DGLUCY: variants seen among roughly 807,000 people sequenced by gnomAD.
DGLUCY encodes D-glutamate cyclase.
In DGLUCY, 58 loss-of-function variants were observed where a neutral mutation model predicts 58.5. The observed-to-expected ratio is 0.99, with a 90% CI of 0.80 to 1.23. The LOEUF is 1.23. Among genes scored for constraint, DGLUCY ranks in the 50% most tolerant of loss-of-function variants. The pLI is 0.00. For missense variants in DGLUCY, 779 were observed against 784.7 expected, an observed-to-expected ratio of 0.99 and a Z score of 0.09; for synonymous variants, 325 against 314.1, an observed-to-expected ratio of 1.03 and a Z score of -0.37.
Position 91,196,246 on chromosome 14 carries a change from A to T in DGLUCY, c.1196-129A>T, listed in dbSNP as rs74995843. On this transcript the variant is annotated intron_variant, in intron 9 of 13. Transcript: ENST00000256324. ...GTGTCATGGCCTCGGCTTACCTAAC[A>T]TGTTCTACAGATAGATGTTGTTCAA... is the stretch of plus-strand genomic sequence containing the variant. The T allele has an allele frequency of 1.3e-3, 911 of 697,894 alleles. 8 individuals are homozygous for T. In the African/African-American group the frequency reaches 0.013, roughly 10 times the overall value. 43.2% of individuals were successfully genotyped at this position (697,894 alleles called of 1,614,324 possible). A position where few individuals can be genotyped will look rare whatever the true frequency, so the allele number is the denominator to read the frequency against.
chr14:91,103,537 T>C (rs983227466), upstream of DGLUCY, among the ~76,000 whole-genome samples: 11 of 152,152 alleles, frequency 7.2e-5, no homozygotes, highest in Non-Finnish European at 1.2e-4. Context: ...TACTTCTGCA[T>C]AGGGCCTCTC....
At chr14:91,154,036 G>A in intron 1 of DGLUCY, among the ~76,000 whole-genome samples, 1 of 152,152 alleles carries the variant, frequency 6.6e-6, no homozygotes, top group East Asian at 1.9e-4. Flanking sequence ...CTCCCAAGTA[G>A]CTGGAATTAC....
At chr14:91,194,221 T>C (rs1186710792) in intron 9 of DGLUCY, among the ~76,000 whole-genome samples, 3 of 152,118 alleles carry the variant, frequency 2.0e-5, no homozygotes, top group Admixed American at 6.6e-5. Flanking sequence ...GTTACCCCAT[T>C]TTGTAGAGGA....
intron 10 of DGLUCY, among the ~76,000 whole-genome samples, chr14:91,196,911 T>C (rs1043840430): frequency 3.9e-5 from 6 of 152,176 alleles, no homozygotes; most frequent in African/African-American, 1.4e-4. Context: ...TACTCCCTCA[T>C]AAGACTGTGT....
chr14:91,077,361 G>A (rs1358971293), intron 1 of DGLUCY, among the ~76,000 whole-genome samples: 1 of 148,544 alleles, frequency 6.7e-6, no homozygotes, highest in Non-Finnish European at 1.5e-5. Flanking sequence ...GGAGAAGGAA[G>A]GGAGGGAGGA....
intron 8 of DGLUCY, among the ~76,000 whole-genome samples, chr14:91,187,061 G>T (rs1348917850): frequency 3.3e-5 from 5 of 151,838 alleles, no homozygotes; most frequent in Non-Finnish European, 7.4e-5. Context: ...GTGCAGTGGT[G>T]CGATCTCGGC....
intron 1 of DGLUCY, among the ~76,000 whole-genome samples, chr14:91,067,453 C>G (rs1039837629): frequency 6.6e-6 from 1 of 152,184 alleles, no homozygotes; most frequent in African/African-American, 2.4e-5. Flanking sequence ...CCACATCATA[C>G]TTTCCTTTAA....
rs761899157 is a variant in DGLUCY, at chr14:91,176,066, G to A, written c.730+10G>A. The stretch of plus-strand genomic sequence containing the variant: ...GCTGTCAGCAGCTGTGGTACGTTGG[G>A]GGATAATGGGACAATCGATCTGCCC... On this transcript the variant is annotated intron_variant, in intron 7 of 13. Transcript: ENST00000256324. 6.2e-7 allele frequency: 1 copy of A among 1,613,458 alleles called. No homozygotes were observed. Among genetic ancestry groups the A allele is most frequent in the Non-Finnish European group, 8.5e-7 (1 of 1,179,642 alleles).
At chr14:91,136,521 T>C (rs2046345635) in intron 1 of DGLUCY, among the ~76,000 whole-genome samples, 1 of 151,178 alleles carries the variant, frequency 6.6e-6, no homozygotes, top group African/African-American at 2.4e-5. Context: ...CCTTGTCTAC[T>C]AAAAATACAA....
At chr14:91,122,896 G>A (rs956339235) in intron 1 of DGLUCY, among the ~76,000 whole-genome samples, 48 of 152,044 alleles carry the variant, frequency 3.2e-4, no homozygotes, top group South Asian at 4.1e-4. Flanking sequence ...CGTGAGCCAC[G>A]GTGCTTGGCT....
chr14:91,089,202 G>A (rs2044269643), intron 1 of DGLUCY, among the ~76,000 whole-genome samples: 1 of 152,172 alleles, frequency 6.6e-6, no homozygotes. Flanking sequence ...GGTATTTTTG[G>A]TGGATTGCAT....
intron 1 of DGLUCY, among the ~76,000 whole-genome samples, chr14:91,075,240 G>A (rs1037999029): frequency 6.6e-6 from 1 of 152,008 alleles, no homozygotes; most frequent in Admixed American, 6.6e-5. Flanking sequence ...TCCTCTCTGA[G>A]GCTCATCATC....
At chr14:91,201,829 G>C (rs1406772723) in intron 11 of DGLUCY, among the ~76,000 whole-genome samples, 1 of 151,806 alleles carries the variant, frequency 6.6e-6, no homozygotes, top group African/African-American at 2.4e-5. Context: ...GAGGCAGGTG[G>C]ATCACCTGAG....
chr14:91,177,047 T>G (rs1265458004), intron 7 of DGLUCY, among the ~76,000 whole-genome samples: 6 of 152,108 alleles, frequency 3.9e-5, no homozygotes, highest in Non-Finnish European at 7.4e-5. Context: ...TGCCAAGGCT[T>G]GAGTTCAGTG....
In DGLUCY at chr14:91,182,911, ATTTTATTTTATT is replaced by A. The variant is rs1312628713; in HGVS notation, c.934+1537_934+1548del. Among the ~76,000 whole-genome samples the A allele has an allele frequency of 2.2e-3, 336 of 149,698 alleles. 1 individual carries two copies. Among genetic ancestry groups the A allele is most frequent in the African/African-American group, 7.7e-3 (316 of 40,962 alleles). ...TGATTCCAATTAGTTATTTTATTTT[ATTTTATTTTATT>A]TTTTATTTTATTTTATTTTATATTT... is the stretch of plus-strand genomic sequence containing the variant. On this transcript the variant is annotated intron_variant, in intron 8 of 13. Coordinates refer to ENST00000256324, the MANE Select transcript of DGLUCY (RefSeq NM_001102368.3).
chr14:91,224,670 C>T lies in DGLUCY; in HGVS notation c.1717-14C>T. ...CCCCTCCACTCCTTCTATTTCTGCC[C>T]TATTTTTTTCCAGGAAGAAAAAATG... is the stretch of plus-strand genomic sequence containing the variant. On this transcript the variant is annotated splice_polypyrimidine_tract_variant and intron_variant, in intron 13 of 13. Transcript: ENST00000256324. 1 of 1,582,688 alleles carries T rather than the reference C, an allele frequency of 6.3e-7. No homozygotes were observed. The highest frequency in any genetic ancestry group is 2.3e-5 in the East Asian group (1 of 43,802).
At chr14:91,134,289 T>C (rs1235836542) in intron 1 of DGLUCY, among the ~76,000 whole-genome samples, 6 of 152,246 alleles carry the variant, frequency 3.9e-5, no homozygotes, top group Admixed American at 1.3e-4. Context: ...GTGAACATGC[T>C]GTCTCTCCAT....
At chr14:91,109,303 C>T (rs1161904450), upstream of DGLUCY, among the ~76,000 whole-genome samples, 1 of 152,150 alleles carries the variant, frequency 6.6e-6, no homozygotes. Context: ...TGACTTTCCT[C>T]TGCTCCAACA....
At chr14:91,191,579 C>A (rs1043749829) in intron 9 of DGLUCY, among the ~76,000 whole-genome samples, 9 of 152,146 alleles carry the variant, frequency 5.9e-5, no homozygotes, top group African/African-American at 2.2e-4. Flanking sequence ...CTCATTCTCC[C>A]TGTTCCCTCC....
Sources: gnomAD v4.1 joint callset for allele counts (sites outside exome capture counted in the v4.1 genomes callset) on GRCh38, gnomAD v4.1.1 for gene constraint, MANE v1.5 for transcripts, NCBI Gene and HGNC (gene_info 2026-07-23, HGNC 2026-07-21) for gene names.